The following COLEC10 variants were observed in gnomAD, a reference collection of about 807,000 sequenced individuals.
COLEC10 encodes the protein collectin-10.
COLEC10 carries 22 observed loss-of-function variants against 28.4 expected under a neutral mutation model. The ratio of observed to expected loss-of-function variants is 0.78; its 90% CI spans 0.55 to 1.11. The LOEUF (loss-of-function observed/expected upper bound fraction) is 1.11, where lower values mean the gene tolerates loss of function less well. Ranked by LOEUF, COLEC10 falls within the 50% of genes least tolerant of loss-of-function variation. The pLI, the probability that COLEC10 is intolerant of heterozygous loss-of-function variation, is 0.00. For synonymous variants in COLEC10, 125 were observed against 116.1 expected, an observed-to-expected ratio of 1.08 and a Z score of -0.49; for missense variants, 361 against 344.1, an observed-to-expected ratio of 1.05 and a Z score of -0.39.
the COLEC10 span, among the ~76,000 whole-genome samples, chr8:118,974,721 A>G: frequency 6.6e-6 from 1 of 152,054 alleles, no homozygotes; most frequent in East Asian, 1.9e-4. Flanking sequence ...AAAGCCAAAG[A>G]CTCAACTCTG....
the COLEC10 span, among the ~76,000 whole-genome samples, chr8:118,975,875 G>A: frequency 2.0e-5 from 3 of 151,984 alleles, no homozygotes; most frequent in Admixed American, 6.6e-5. Flanking sequence ...ATTTCTTACC[G>A]TGACCTTGAG....
the COLEC10 span, among the ~76,000 whole-genome samples, chr8:118,973,179 C>A: frequency 6.6e-6 from 1 of 152,112 alleles, no homozygotes; most frequent in East Asian, 1.9e-4. Context: ...AGCTTCCTAA[C>A]TGTTCTCTCA....
At chr8:118,982,967 C>A in the COLEC10 span, 1 of 152,268 alleles carries the variant, frequency 6.6e-6, no homozygotes, top group African/African-American at 2.4e-5. Flanking sequence ...AGCCAGCTAG[C>A]CATGTGGTTA....
In COLEC10 at chr8:119,106,288, G is replaced by C. The variant is rs1163561519; in HGVS notation, c.*97G>C. ...CCTGATTGTACTACATTTGATCTGA[G>C]TCAACATAGCTAGAAAATGCTAAAC... On this transcript the variant is annotated 3_prime_UTR_variant, in exon 6 of 6. Transcript: ENST00000332843. 9 of 1,301,882 alleles carry C rather than the reference G, an allele frequency of 6.9e-6. No individual in the cohort carries two copies. The highest frequency in any genetic ancestry group is 8.5e-6 in the Non-Finnish European group (8 of 946,114). 80.6% of individuals were successfully genotyped at this position (1,301,882 alleles called of 1,614,324 possible).
intron 2 of COLEC10, among the ~76,000 whole-genome samples, chr8:119,020,059 C>T (rs1814065464): frequency 6.6e-6 from 1 of 152,180 alleles, no homozygotes; most frequent in African/African-American, 2.4e-5. Flanking sequence ...CCTGAGCAGG[C>T]AGTAGCTTTC....
At chr8:118,965,100 A>G in the COLEC10 span, among the ~76,000 whole-genome samples, 1 of 152,306 alleles carries the variant, frequency 6.6e-6, no homozygotes, top group South Asian at 2.1e-4. Context: ...ACTTCAAAAT[A>G]CAGACAACCC....
intron 2 of COLEC10, among the ~76,000 whole-genome samples, chr8:119,055,664 G>A (rs1242203686): frequency 3.3e-5 from 5 of 152,032 alleles, no homozygotes; most frequent in African/African-American, 1.2e-4. Context: ...TTGATCATGT[G>A]TTAGAGCTGA....
chr8:118,961,693 C>T, the COLEC10 span, among the ~76,000 whole-genome samples: 2 of 152,200 alleles, frequency 1.3e-5, no homozygotes, highest in Non-Finnish European at 2.9e-5. Flanking sequence ...TACCCATCTG[C>T]GTCAAAGTGG....
intron 1 of COLEC10, among the ~76,000 whole-genome samples, chr8:119,069,623 AAAAAAAATATATATAT>A (rs1454609156): frequency 1.1e-4 from 6 of 54,352 alleles, no homozygotes; most frequent in African/African-American, 4.9e-4. Context: ...AAAAAAAAAA[AAAAAAAATATATATAT>A]ATATATATAT....
In COLEC10 at chr8:119,025,511, G is replaced by A. The variant is rs138558089; in HGVS notation, n.235+15958G>A. 5.0e-3 allele frequency among the ~76,000 whole-genome samples: 756 copies of A among 152,244 alleles called. 3 individuals are homozygous for A. The highest frequency in any genetic ancestry group is 0.017 in the African/African-American group (712 of 41,554). ...CTTCTTACCTGAAACAGTTCCTGGT[G>A]TTCTTCATAGTGTAATGGCAGGGCA... On this transcript the variant is annotated intron_variant and non_coding_transcript_variant, in intron 2 of 6. Coordinates refer to the COLEC10 transcript ENST00000521788.
At chr8:118,967,381 G>A in the COLEC10 span, among the ~76,000 whole-genome samples, 7 of 152,086 alleles carry the variant, frequency 4.6e-5, no homozygotes, top group Admixed American at 1.3e-4. Flanking sequence ...TCATAGTATG[G>A]TAATACTGAA....
intron 2 of COLEC10, among the ~76,000 whole-genome samples, chr8:119,040,000 G>A (rs1222435732): frequency 6.6e-6 from 1 of 152,084 alleles, no homozygotes; most frequent in Admixed American, 6.6e-5. Flanking sequence ...ATTAGGGCAT[G>A]GGCATCTTTG....
At chr8:119,021,046 A>T (rs1814081584) in intron 2 of COLEC10, among the ~76,000 whole-genome samples, 1 of 152,162 alleles carries the variant, frequency 6.6e-6, no homozygotes, top group Admixed American at 6.6e-5. Context: ...GTTATTATTC[A>T]CTGACACACT....
At chr8:119,089,850 C>A (rs1815554507) in intron 2 of COLEC10, 99 bp downstream of exon 2, 3 of 892,814 alleles carry the variant, frequency 3.4e-6, no homozygotes, top group African/African-American at 3.4e-5. Context: ...ATAATGCCCT[C>A]TGCCCCAACA....
chr8:119,009,770 G>T (rs1813871677), intron 2 of COLEC10, among the ~76,000 whole-genome samples: 1 of 149,926 alleles, frequency 6.7e-6, no homozygotes, highest in Non-Finnish European at 1.5e-5. Flanking sequence ...ACTTCAAGAA[G>T]ATTATACTTT....
the COLEC10 span, among the ~76,000 whole-genome samples, chr8:118,986,534 C>T: frequency 6.6e-6 from 1 of 151,958 alleles, no homozygotes; most frequent in African/African-American, 2.4e-5. Flanking sequence ...TTTTACAGTG[C>T]TAAGGAAAAT....
rs78308935 is a variant in COLEC10 at position 119,028,039 on chromosome 8, G to A, written n.235+18486G>A. ...GGATCTGTGTGAGGATTAAATGAGA[G>A]AATGCACTCAAAATTCACAAAGCAT... is the stretch of plus-strand genomic sequence containing the variant. On this transcript the variant is annotated intron_variant and non_coding_transcript_variant, in intron 2 of 6. Transcript: ENST00000521788. Among the ~76,000 whole-genome samples the A allele has an allele frequency of 2.0e-5, 3 of 152,226 alleles. No homozygotes were observed. In the South Asian group the frequency reaches 6.2e-4, roughly 32 times the overall value.
At chr8:119,032,508 G>A (rs1157486736) in intron 2 of COLEC10, among the ~76,000 whole-genome samples, 1 of 152,156 alleles carries the variant, frequency 6.6e-6, no homozygotes, top group Non-Finnish European at 1.5e-5. Context: ...CCATGGTTTT[G>A]TACTCAGCCT....
At chr8:118,979,565 AAACT>A in the COLEC10 span, among the ~76,000 whole-genome samples, 2 of 152,092 alleles carry the variant, frequency 1.3e-5, no homozygotes, top group African/African-American at 4.8e-5. Context: ...TGTAAACATA[AAACT>A]AATATTTTGT....
Sources: gnomAD v4.1 joint callset for allele counts (sites outside exome capture counted in the v4.1 genomes callset) on GRCh38, gnomAD v4.1.1 for gene constraint, MANE v1.5 for transcripts, NCBI Gene and HGNC (gene_info 2026-07-23, HGNC 2026-07-21) for gene names.